The following LIPM variants were observed in gnomAD, a reference collection of about 807,000 sequenced individuals.
LIPM encodes the protein lipase family member M, also known as lipase member M.
In LIPM, 42 loss-of-function variants were observed where a neutral mutation model predicts 42.4. The observed-to-expected ratio is 0.99, with a 90% CI of 0.77 to 1.28. The LOEUF is 1.28. Ranked by LOEUF, LIPM falls within the 50% of genes most tolerant of loss-of-function variation. LIPM has a pLI of 0.00. For synonymous variants in LIPM, 177 were observed against 173.3 expected (o/e 1.02, Z -0.17); for missense variants, 524 against 520.1 (o/e 1.01, Z -0.07).
chr10:88,815,234 T>G lies in LIPM; in HGVS notation c.711+10T>G. 6.5e-7 allele frequency: 1 copy of G among 1,548,660 alleles called. No homozygotes were observed. Among genetic ancestry groups the G allele is most frequent in the Non-Finnish European group, 8.7e-7 (1 of 1,146,128 alleles). On this transcript the variant is annotated intron_variant, in intron 5 of 8. Transcript: ENST00000404743. ...AGATATGATGATCAAGGTATGAGAC[T>G]CCTCAGAAAACTTCCTGTGTACGTA...
chr10:88,808,578 C>T (rs1042037559), intron 2 of LIPM, among the ~76,000 whole-genome samples, 163 bp downstream of exon 2: 1 of 152,142 alleles, frequency 6.6e-6, no homozygotes, highest in African/African-American at 2.4e-5. Flanking sequence ...ATCACCACCA[C>T]CGTGTCCGTC....
intron 8 of LIPM, among the ~76,000 whole-genome samples, chr10:88,819,643 G>A (rs1179759210): frequency 1.3e-5 from 2 of 152,190 alleles, no homozygotes; most frequent in Admixed American, 6.5e-5. Context: ...TATATTTGGT[G>A]GGGAAGGGTG....
chr10:88,808,523 C>A, intron 2 of LIPM, 108 bp downstream of exon 2: 1 of 660,296 alleles, frequency 1.5e-6, no homozygotes. Flanking sequence ...AGAGTGAGGT[C>A]CATTGTTCAG....
rs1380267183 is a variant in LIPM at position 88,820,381 on chromosome 10, G to A, written c.1152G>A (p.Trp384Ter). 1 of 1,552,226 alleles carries A rather than the reference G, an allele frequency of 6.4e-7. No homozygotes were observed. The highest frequency in any genetic ancestry group is 8.7e-7 in the Non-Finnish European group (1 of 1,147,128). The change falls in exon 9 of 9, where the codon TGG becomes TGA. Residue 384 changes from tryptophan (W) to a stop codon, truncating the protein, a stop_gained. Transcript: ENST00000404743. LOFTEE classifies it low-confidence loss of function (END_TRUNC). Reference protein sequence around the residue: ...NLIYHKNIPEWAHVDFIWGLD... With the variant: ...NLIYHKNIPE ...TCTACCATAAGAATATTCCTGAATG[G>A]GCTCACGTGGATTTCATCTGGGGTT... is the stretch of plus-strand genomic sequence containing the variant.
rs151283465 is a variant in LIPM at position 88,804,769 on chromosome 10, TG to T, written c.147+1727del. Among the ~76,000 whole-genome samples the T allele has an allele frequency of 8.9e-3, 1,363 of 152,342 alleles. 53 individuals are homozygous for T. The highest frequency in any genetic ancestry group is 0.081 in the East Asian group (421 of 5,190). ...CGTTTCTGGAGATTTCTGAATAACC[TG>T]CCCCTTAATTTGCATGAAATTAATA... On this transcript the variant is annotated intron_variant, in intron 1 of 8. Transcript: ENST00000404743.
intron 2 of LIPM, among the ~76,000 whole-genome samples, chr10:88,808,742 T>C (rs1324834294): frequency 3.3e-5 from 5 of 152,136 alleles, no homozygotes; most frequent in African/African-American, 9.7e-5. Flanking sequence ...TGACAATTCC[T>C]TGAACAGACC....
intron 2 of LIPM, among the ~76,000 whole-genome samples, chr10:88,811,806 T>C (rs1843659881): frequency 6.6e-6 from 1 of 152,206 alleles, no homozygotes; most frequent in Admixed American, 6.5e-5. Context: ...ATTTGAGACA[T>C]ACATCATGCC....
intron 2 of LIPM, among the ~76,000 whole-genome samples, chr10:88,811,261 A>C (rs1042725307): frequency 2.0e-5 from 3 of 152,218 alleles, no homozygotes; most frequent in Non-Finnish European, 4.4e-5. Context: ...TCCCCTGCCA[A>C]AACCCTGTGA....
intron 1 of LIPM, chr10:88,805,852 T>C (rs1843579911): frequency 2.5e-6 from 1 of 403,174 alleles, no homozygotes; most frequent in Non-Finnish European, 5.0e-6. Flanking sequence ...GGAAAGGAAG[T>C]AGAGAATCAG....
In LIPM at chr10:88,808,292, C is replaced by T. The variant is rs542049661; in HGVS notation, c.148-6C>T. The T allele has an allele frequency of 1.1e-5, 17 of 1,514,316 alleles. No individual in the cohort carries two copies. The East Asian group carries it at 2.9e-4, about 26-fold the overall frequency. 93.8% of individuals were successfully genotyped at this position (1,514,316 alleles called of 1,614,324 possible). A position where few individuals can be genotyped will look rare whatever the true frequency, so the allele number is the denominator to read the frequency against. On this transcript the variant is annotated splice_polypyrimidine_tract_variant and splice_region_variant and intron_variant, in intron 1 of 8. Coordinates refer to ENST00000404743, the MANE Select transcript of LIPM (RefSeq NM_001128215.1). ...GAACCTAAAAGAAATTGTGCTTTTTCCATAGAGTGAAATCATCCAACATCA... is the reference window on the plus strand; with the variant it reads ...GAACCTAAAAGAAATTGTGCTTTTTTCATAGAGTGAAATCATCCAACATCA...
intron 7 of LIPM, among the ~76,000 whole-genome samples, chr10:88,817,424 G>A (rs1843730365): frequency 6.6e-6 from 1 of 152,128 alleles, no homozygotes; most frequent in African/African-American, 2.4e-5. Flanking sequence ...GAGAGAGAGA[G>A]CAATTGTACC....
At chr10:88,816,706 C>G in intron 6 of LIPM, 110 bp from the exon 7 acceptor site, 1 of 697,766 alleles carries the variant, frequency 1.4e-6, no homozygotes, top group South Asian at 1.7e-5. Flanking sequence ...TTGCTGATAA[C>G]TTAATAATGT....
chr10:88,807,396 C>T (rs1843602299), intron 1 of LIPM, among the ~76,000 whole-genome samples: 1 of 152,126 alleles, frequency 6.6e-6, no homozygotes, highest in Non-Finnish European at 1.5e-5. Flanking sequence ...TGATGTTTGG[C>T]CTTCTCTCTT....
intron 8 of LIPM, 92 bp downstream of exon 8, chr10:88,817,988 T>A: frequency 9.9e-7 from 1 of 1,011,480 alleles, no homozygotes; most frequent in South Asian, 1.5e-5. Context: ...GATATGGGAA[T>A]AAAATATGAA....
chr10:88,809,032 G>A (rs1483096330), intron 2 of LIPM, among the ~76,000 whole-genome samples: 3 of 151,358 alleles, frequency 2.0e-5, no homozygotes, highest in Non-Finnish European at 2.9e-5. Context: ...TCAGCTCACC[G>A]CAACCTCCGC....
At chr10:88,806,000 A>C (rs1461922576) in intron 1 of LIPM, 1 of 456,636 alleles carries the variant, frequency 2.2e-6, no homozygotes, top group African/African-American at 2.0e-5. Context: ...TTTAGACCGC[A>C]AACAGGTCAG....
intron 2 of LIPM, among the ~76,000 whole-genome samples, chr10:88,809,784 CTTTT>C (rs35806035): frequency 6.6e-6 from 1 of 151,650 alleles, no homozygotes; most frequent in African/African-American, 2.4e-5. Context: ...TTGAAACCAC[CTTTT>C]TTTTTCTCAC....
intron 2 of LIPM, among the ~76,000 whole-genome samples, chr10:88,811,339 T>C (rs1843654190): frequency 6.6e-6 from 1 of 152,164 alleles, no homozygotes; most frequent in Non-Finnish European, 1.5e-5. Context: ...CTTTAGAGAA[T>C]TATAACAATA....
intron 6 of LIPM, among the ~76,000 whole-genome samples, chr10:88,815,722 T>C (rs968886646): frequency 1.3e-5 from 2 of 152,232 alleles, no homozygotes; most frequent in African/African-American, 2.4e-5. Context: ...TCACAGATTA[T>C]AGATGGAAGA....
Sources: allele counts gnomAD v4.1 joint callset (sites outside exome capture counted in the v4.1 genomes callset), GRCh38; gene constraint gnomAD v4.1.1; transcripts MANE v1.5; gene names NCBI Gene and HGNC (gene_info 2026-07-23, HGNC 2026-07-21).